Variants in BACE2 observed in about 807,000 individuals in gnomAD.
The protein encoded by BACE2 is 56 kDa aspartic-like protease.
Under a neutral mutation model 46.2 loss-of-function variants are expected in BACE2, and 17 were observed. The ratio of observed to expected loss-of-function variants is 0.37; its 90% confidence interval spans 0.25 to 0.55. The LOEUF (loss-of-function observed/expected upper bound fraction) is 0.55, where lower values mean the gene tolerates loss of function less well. Among genes scored for constraint, BACE2 ranks in the 20% least tolerant of loss-of-function variants. The pLI is 0.82. For synonymous variants in BACE2, 277 were observed against 295.9 expected, an observed-to-expected ratio of 0.94 and a Z score of 0.66; for missense variants, 595 against 698.1, an observed-to-expected ratio of 0.85 and a Z score of 1.66.
chr21:41,268,764 A>T (rs2088404080), intron 8 of BACE2, among the ~76,000 whole-genome samples: 1 of 152,124 alleles, frequency 6.6e-6, no homozygotes, highest in Non-Finnish European at 1.5e-5. Flanking sequence ...AATAAAAAGT[A>T]ATACATCTAC....
At chr21:41,248,651 A>G (rs566428813) in intron 6 of BACE2, among the ~76,000 whole-genome samples, 1 of 152,174 alleles carries the variant, frequency 6.6e-6, no homozygotes, top group Non-Finnish European at 1.5e-5. Context: ...ATCAATCACA[A>G]ATGGTCTGAG....
intron 8 of BACE2, among the ~76,000 whole-genome samples, chr21:41,260,782 G>C (rs1483189461): frequency 2.6e-5 from 4 of 152,168 alleles, no homozygotes; most frequent in Admixed American, 2.0e-4. Context: ...ATATGATGTG[G>C]GAGGGGACGA....
rs981068522 is a variant in BACE2 at position 41,260,031 on chromosome 21, T to C, written c.1303+2705T>C. ...ATTTTCTCTAGAGGGGGTTTTGCCATGTTGCCCAGGCTGGTCTCCACCTCC... is the reference window on the plus strand; with the variant it reads ...ATTTTCTCTAGAGGGGGTTTTGCCACGTTGCCCAGGCTGGTCTCCACCTCC... On this transcript the variant is annotated intron_variant, in intron 8 of 8. Transcript: ENST00000330333. Among the ~76,000 whole-genome samples the C allele has an allele frequency of 3.9e-5, 6 of 152,182 alleles. No homozygotes were observed. In the South Asian group the frequency reaches 1.0e-3, roughly 26 times the overall value.
chr21:41,175,095 A>T (rs1241538113), intron 1 of BACE2: 1 of 152,172 alleles, frequency 6.6e-6, no homozygotes, highest in Non-Finnish European at 1.5e-5. Context: ...TACAAAAAAA[A>T]GTGGTCACTT....
intron 2 of BACE2, among the ~76,000 whole-genome samples, chr21:41,234,913 T>G (rs1383998273): frequency 6.6e-6 from 1 of 152,226 alleles, no homozygotes; most frequent in Non-Finnish European, 1.5e-5. Context: ...TCGGGAGATC[T>G]GCGCACAGAA....
intron 3 of BACE2, among the ~76,000 whole-genome samples, chr21:41,237,971 C>T (rs1270834515): frequency 2.0e-5 from 3 of 152,274 alleles, no homozygotes; most frequent in Middle Eastern, 3.4e-3. Context: ...GTTTTATTTT[C>T]GTTTTATAGT....
At chr21:41,243,352 A>T (rs1433975817) in intron 4 of BACE2, 24 bp from the exon 5 acceptor site, 1 of 1,564,348 alleles carries the variant, frequency 6.4e-7, no homozygotes, top group Non-Finnish European at 8.6e-7. Flanking sequence ...TTTCTCTTAT[A>T]CCTGTAAATA....
Position 41,217,262 on chromosome 21 carries a change from T to C in BACE2, c.313-9004T>C, listed in dbSNP as rs1986500419. On this transcript the variant is annotated intron_variant, in intron 1 of 8. Transcript: ENST00000330333. ...AGCTGTTCTTATCTGTGACTTTCAA[T>C]GGCCAAGAAAACGTATTTCCTACTG... is the stretch of plus-strand genomic sequence containing the variant. Among the ~76,000 whole-genome samples the C allele has an allele frequency of 2.6e-5, 4 of 152,334 alleles. No individual in the cohort carries two copies. The South Asian group carries it at 6.2e-4, about 24-fold the overall frequency.
intron 1 of BACE2, among the ~76,000 whole-genome samples, chr21:41,209,625 G>GCT (rs1476694190): frequency 6.6e-6 from 1 of 152,194 alleles, no homozygotes; most frequent in East Asian, 1.9e-4. Context: ...AAGGCACGAT[G>GCT]CTCAGAGCAA....
At chr21:41,183,683 C>T (rs1199832881) in intron 1 of BACE2, 1 of 167,174 alleles carries the variant, frequency 6.0e-6, no homozygotes, top group Non-Finnish European at 1.5e-5. Context: ...GTTCAGGCGG[C>T]TGCTTATCTG....
chr21:41,234,120 T>G (rs1987043955), intron 2 of BACE2, among the ~76,000 whole-genome samples: 1 of 152,154 alleles, frequency 6.6e-6, no homozygotes, highest in African/African-American at 2.4e-5. Context: ...CCCCATACAC[T>G]GTCTTCGTGG....
intron 2 of BACE2, 144 bp downstream of exon 2, chr21:41,226,498 G>C: frequency 1.5e-6 from 1 of 672,796 alleles, no homozygotes; most frequent in Non-Finnish European, 2.6e-6. Flanking sequence ...ACACACATGT[G>C]GACATGTGTA....
At chr21:41,171,168 C>G (rs750649302) in intron 1 of BACE2, among the ~76,000 whole-genome samples, 13 of 152,358 alleles carry the variant, frequency 8.5e-5, no homozygotes, top group Non-Finnish European at 1.9e-4. Context: ...GTGTTAGGGA[C>G]TTATTGTATG....
intron 4 of BACE2, among the ~76,000 whole-genome samples, chr21:41,242,319 CAG>C (rs1043470232): frequency 2.0e-5 from 3 of 150,260 alleles, no homozygotes; most frequent in African/African-American, 7.3e-5. Context: ...GGCAGGGAAA[CAG>C]GGGCCCTTGT....
chr21:41,225,849 G>A (rs553582579), intron 1 of BACE2, among the ~76,000 whole-genome samples: 3 of 152,318 alleles, frequency 2.0e-5, no homozygotes, highest in African/African-American at 7.2e-5. Flanking sequence ...CTGGGGAGGG[G>A]AGGTCACGTT....
chr21:41,222,212 A>G (rs1051244557), intron 1 of BACE2, among the ~76,000 whole-genome samples: 4 of 152,234 alleles, frequency 2.6e-5, no homozygotes, highest in African/African-American at 9.6e-5. Context: ...TATAGGAAGC[A>G]CGTACAGCAG....
Position 41,237,576 on chromosome 21 carries a change from G to A in BACE2, c.465G>A (p.Thr155=), listed in dbSNP as rs566989357. The A allele has an allele frequency of 8.7e-6, 14 of 1,614,182 alleles. No individual in the cohort carries two copies. Among genetic ancestry groups the A allele is most frequent in the East Asian group, 4.5e-5 (2 of 44,892 alleles). ...TGAAGTACACACAAGGAAGCTGGAC[G>A]GGCTTCGTTGGGGAAGACCTCGTCA... ...VTVKYTQGSW[T]GFVGEDLVTI... Residue 155 remains threonine, a synonymous_variant, in exon 3 of 9, where the codon ACG becomes ACA. Transcript: ENST00000330333.
At chr21:41,174,147 T>TTTTTTTTTTTTTTTG in intron 1 of BACE2, among the ~76,000 whole-genome samples, 1 of 137,094 alleles carries the variant, frequency 7.3e-6, no homozygotes, top group Admixed American at 7.2e-5. Flanking sequence ...GCCTTTTTTT[T>TTTTTTTTTTTTTTTG]TTTTTTTTTT....
chr21:41,236,905 G>A (rs1162915520), intron 2 of BACE2, among the ~76,000 whole-genome samples: 2 of 152,158 alleles, frequency 1.3e-5, no homozygotes, highest in African/African-American at 2.4e-5. Flanking sequence ...GTTTAACTTG[G>A]GTATAGTGAA....
Sources: gnomAD v4.1 joint callset for allele counts (sites outside exome capture counted in the v4.1 genomes callset) on GRCh38, gnomAD v4.1.1 for gene constraint, MANE v1.5 for transcripts, NCBI Gene and HGNC (gene_info 2026-07-23, HGNC 2026-07-21) for gene names.